The following EIF4G3 variants were observed in gnomAD, a reference collection of about 807,000 sequenced individuals.
EIF4G3 encodes the protein eukaryotic translation initiation factor 4 gamma 3, also known as eIF-4-gamma 3.
EIF4G3 carries 34 observed loss-of-function variants against 186.4 expected under a neutral mutation model. That is an observed-to-expected ratio of 0.18 (90% CI 0.14 to 0.24). The LOEUF (loss-of-function observed/expected upper bound fraction) is 0.24, where lower values mean the gene tolerates loss of function less well. EIF4G3 is among the 10% of genes least tolerant of loss of function. The pLI is 1.00. For synonymous variants in EIF4G3, 673 were observed against 679.5 expected, an observed-to-expected ratio of 0.99 and a Z score of 0.15; for missense variants, 1,536 against 1,948.5, an observed-to-expected ratio of 0.79 and a Z score of 3.99.
chr1:20,981,289 T>G, intron 8 of EIF4G3, 62 bp from the exon 9 acceptor site: 1 of 1,080,086 alleles, frequency 9.3e-7, no homozygotes, highest in Non-Finnish European at 1.3e-6. Context: ...ATATAAATTT[T>G]ACTGTCTCCT....
chr1:20,807,803 C>T (rs2058367250), intron 36 of EIF4G3, among the ~76,000 whole-genome samples: 1 of 143,650 alleles, frequency 7.0e-6, no homozygotes, highest in Admixed American at 7.0e-5. Flanking sequence ...TTGTTCTGTC[C>T]CCAGGCTGGA....
chr1:20,969,099 T>C lies in EIF4G3; in HGVS notation c.714+375A>G, dbSNP rs937141328. 3.9e-5 allele frequency among the ~76,000 whole-genome samples: 6 copies of C among 152,338 alleles called. No homozygotes were observed. In the East Asian group the frequency reaches 9.6e-4, roughly 24 times the overall value. Reference sequence around the variant, plus strand: ...AAAAATGTTAAATTCTCAACCTTAATGTTTGCGTTAACAAAAGGTGCAGCA... The same window carrying C: ...AAAAATGTTAAATTCTCAACCTTAACGTTTGCGTTAACAAAAGGTGCAGCA... On this transcript the variant is annotated intron_variant, in intron 12 of 36. Coordinates refer to ENST00000602326, the MANE Select transcript of EIF4G3 (RefSeq NM_001391906.1).
intron 2 of EIF4G3, among the ~76,000 whole-genome samples, chr1:21,128,325 A>G (rs921632209): frequency 2.0e-5 from 3 of 151,830 alleles, no homozygotes; most frequent in Non-Finnish European, 4.4e-5. Flanking sequence ...CCTGGCAAAC[A>G]TGGTGAAACC....
chr1:21,014,961 T>TA (rs1414089378), intron 4 of EIF4G3, among the ~76,000 whole-genome samples: 2 of 151,376 alleles, frequency 1.3e-5, no homozygotes, highest in Admixed American at 6.6e-5. Context: ...TAAACTGTCC[T>TA]AAATACACTC....
intron 4 of EIF4G3, among the ~76,000 whole-genome samples, chr1:21,029,460 T>G (rs1389613850): frequency 1.4e-5 from 2 of 147,460 alleles, no homozygotes; most frequent in African/African-American, 2.5e-5. Context: ...AAAGAGAAAT[T>G]GAGTCGGGGG....
In EIF4G3 at chr1:20,862,209, TA is replaced by T. The variant is rs201589672; in HGVS notation, c.3111+18del. 0.011 allele frequency: 13,040 copies of T among 1,234,818 alleles called. No individual in the cohort carries two copies. Among genetic ancestry groups the T allele is most frequent in the East Asian group, 0.022 (718 of 32,952 alleles). 76.5% of individuals were successfully genotyped at this position (1,234,818 alleles called of 1,614,324 possible). ...GAGACTGGACCAGCAGGCTTATTAT[TA>T]TTTTTTTTCCCACTCACCAGCCTTA... On this transcript the variant is annotated intron_variant, in intron 23 of 36. Coordinates refer to ENST00000602326, the MANE Select transcript of EIF4G3 (RefSeq NM_001391906.1).
chr1:20,924,848 C>T (rs1369171253), intron 14 of EIF4G3, among the ~76,000 whole-genome samples: 1 of 152,188 alleles, frequency 6.6e-6, no homozygotes, highest in Non-Finnish European at 1.5e-5. Flanking sequence ...AGGTGTGAAC[C>T]ACCTCACCCA....
chr1:20,948,834 C>T (rs770376123), intron 13 of EIF4G3, among the ~76,000 whole-genome samples: 1 of 151,680 alleles, frequency 6.6e-6, no homozygotes, highest in Non-Finnish European at 1.5e-5. Context: ...CATGGTGAAA[C>T]CCCGTCTATA....
chr1:21,098,762 C>T (rs1449240580), intron 2 of EIF4G3, among the ~76,000 whole-genome samples: 1 of 151,982 alleles, frequency 6.6e-6, no homozygotes, highest in African/African-American at 2.4e-5. Context: ...GCAACCTTCC[C>T]AGCTCAACCT....
intron 4 of EIF4G3, among the ~76,000 whole-genome samples, chr1:21,038,388 C>T (rs1445412119): frequency 6.6e-6 from 1 of 152,222 alleles, no homozygotes; most frequent in African/African-American, 2.4e-5. Context: ...TGGCTCTCCA[C>T]TTCCTACTTC....
chr1:20,831,844 T>C (rs1214602943), intron 30 of EIF4G3, among the ~76,000 whole-genome samples: 1 of 144,360 alleles, frequency 6.9e-6, no homozygotes. Context: ...CACCTATGAG[T>C]GAGAATATGC....
chr1:20,999,829 T>G (rs545201522), intron 6 of EIF4G3: 6 of 384,618 alleles, frequency 1.6e-5, no homozygotes, highest in Non-Finnish European at 3.0e-5. Flanking sequence ...AAACTAGAAA[T>G]TTTTCTTTCT....
chr1:21,111,172 T>C (rs2096719291), intron 2 of EIF4G3: 1 of 368,314 alleles, frequency 2.7e-6, no homozygotes. Context: ...AAACACAGGA[T>C]ACATTTCAGG....
chr1:21,106,684 A>C (rs2101993766), intron 2 of EIF4G3, among the ~76,000 whole-genome samples: 1 of 152,304 alleles, frequency 6.6e-6, no homozygotes, highest in African/African-American at 2.4e-5. Context: ...CAAAGATACA[A>C]ATTTGAAAGT....
chr1:21,153,185 G>A (rs2097578689), intron 2 of EIF4G3, among the ~76,000 whole-genome samples: 1 of 151,984 alleles, frequency 6.6e-6, no homozygotes, highest in South Asian at 2.1e-4. Flanking sequence ...AGTAGCTTTC[G>A]GCCACTTTCA....
chr1:20,965,053 A>AT (rs1194740743), intron 12 of EIF4G3, among the ~76,000 whole-genome samples: 4 of 151,924 alleles, frequency 2.6e-5, no homozygotes, highest in East Asian at 3.9e-4. Context: ...GAAGTAGTAA[A>AT]TTTTTTTCTG....
At chr1:21,165,191 A>C (rs1176857930) in intron 2 of EIF4G3, among the ~76,000 whole-genome samples, 1 of 152,220 alleles carries the variant, frequency 6.6e-6, no homozygotes, top group Non-Finnish European at 1.5e-5. Context: ...AGGTGTTGGC[A>C]AGGATGCAGA....
intron 4 of EIF4G3, among the ~76,000 whole-genome samples, chr1:21,046,772 AAC>A (rs1015377218): frequency 2.0e-5 from 3 of 152,224 alleles, no homozygotes; most frequent in African/African-American, 7.2e-5. Flanking sequence ...CTTTTATCCG[AAC>A]ATCAGAAAAG....
intron 20 of EIF4G3, among the ~76,000 whole-genome samples, chr1:20,869,899 C>T (rs1319041538): frequency 6.6e-6 from 1 of 151,598 alleles, no homozygotes; most frequent in Non-Finnish European, 1.5e-5. Context: ...GTGGTTATAT[C>T]GTGACCTTAG....
Sources: gnomAD v4.1 joint callset for allele counts (sites outside exome capture counted in the v4.1 genomes callset) on GRCh38, gnomAD v4.1.1 for gene constraint, MANE v1.5 for transcripts, NCBI Gene and HGNC (gene_info 2026-07-23, HGNC 2026-07-21) for gene names.